NRG1: variants seen among roughly 807,000 people sequenced by gnomAD.
NRG1 encodes neuregulin 1, also known as pro-neuregulin-1, membrane-bound isoform.
NRG1 carries 18 observed loss-of-function variants against 63.8 expected under a neutral mutation model. The ratio of observed to expected loss-of-function variants is 0.28; its 90% CI spans 0.19 to 0.42. The LOEUF (loss-of-function observed/expected upper bound fraction) is 0.42, where lower values mean the gene tolerates loss of function less well. NRG1 is among the 10% of genes least tolerant of loss of function. The probability of loss-of-function intolerance (pLI) is 1.00; values close to 1 mark genes in which losing one functional copy is unlikely to be tolerated. For missense variants in NRG1, 762 were observed against 814.7 expected, an observed-to-expected ratio of 0.94 and a Z score of 0.79; for synonymous variants, 302 against 301.3, an observed-to-expected ratio of 1.00 and a Z score of -0.02.
intron 1 of NRG1, among the ~76,000 whole-genome samples, chr8:32,524,998 A>G (rs1830684961): frequency 6.6e-6 from 1 of 152,230 alleles, no homozygotes; most frequent in Non-Finnish European, 1.5e-5. Flanking sequence ...AAACAAATAT[A>G]ATGCAATCCA....
intron 1 of NRG1, among the ~76,000 whole-genome samples, chr8:31,855,714 T>A (rs1354817976): frequency 6.6e-6 from 1 of 152,228 alleles, no homozygotes; most frequent in Non-Finnish European, 1.5e-5. Context: ...GTATCGATGG[T>A]CTTTACATTT....
At chr8:32,297,746 A>G (rs1013108250) in intron 1 of NRG1, among the ~76,000 whole-genome samples, 7 of 152,206 alleles carry the variant, frequency 4.6e-5, no homozygotes, top group African/African-American at 9.7e-5. Flanking sequence ...TTCATTTGAT[A>G]GCATGGGTAG....
chr8:32,132,783 G>T (rs141275019), intron 1 of NRG1, among the ~76,000 whole-genome samples: 2 of 152,192 alleles, frequency 1.3e-5, no homozygotes, highest in Non-Finnish European at 1.5e-5. Context: ...TTCAAATAGA[G>T]AATTCGCTTC....
intron 5 of NRG1, among the ~76,000 whole-genome samples, chr8:32,663,780 A>G (rs1208891217): frequency 1.3e-5 from 2 of 152,126 alleles, no homozygotes; most frequent in Non-Finnish European, 2.9e-5. Flanking sequence ...TGCAGAAGTG[A>G]TGGTCACATA....
chr8:32,090,942 A>C (rs1040786144), intron 1 of NRG1, among the ~76,000 whole-genome samples: 14 of 152,172 alleles, frequency 9.2e-5, no homozygotes, highest in Admixed American at 4.6e-4. Flanking sequence ...TTCCATTTTC[A>C]TGCTAAAGAT....
intron 1 of NRG1, among the ~76,000 whole-genome samples, chr8:32,054,630 T>G (rs556249578): frequency 3.5e-4 from 53 of 152,274 alleles, no homozygotes; most frequent in African/African-American, 1.1e-3. Context: ...TTATCTGCTG[T>G]TATGGTGTTA....
At chr8:32,335,958 A>G (rs2129477929) in intron 1 of NRG1, among the ~76,000 whole-genome samples, 1 of 151,808 alleles carries the variant, frequency 6.6e-6, no homozygotes, top group African/African-American at 2.4e-5. Flanking sequence ...TACATGCATG[A>G]AAACACACCT....
intron 1 of NRG1, among the ~76,000 whole-genome samples, chr8:32,048,480 T>C (rs1277415837): frequency 7.6e-6 from 1 of 132,382 alleles, no homozygotes; most frequent in Non-Finnish European, 1.6e-5. Context: ...TATATATATA[T>C]ATATAGTGGT....
At chr8:32,746,226 T>TG (rs797001906) in intron 7 of NRG1, among the ~76,000 whole-genome samples, 167 of 152,120 alleles carry the variant, frequency 1.1e-3, no homozygotes, top group African/African-American at 3.6e-3. Context: ...TTGGCATATG[T>TG]GAAAAAAAAC....
At chr8:32,144,240 T>C (rs1316744661) in intron 1 of NRG1, among the ~76,000 whole-genome samples, 3 of 152,122 alleles carry the variant, frequency 2.0e-5, no homozygotes, top group African/African-American at 4.8e-5. Flanking sequence ...TGAATGACAA[T>C]GTAGGAAAAC....
At chr8:31,697,051 G>GT (rs1245037625) in intron 1 of NRG1, among the ~76,000 whole-genome samples, 2 of 152,120 alleles carry the variant, frequency 1.3e-5, no homozygotes, top group African/African-American at 4.8e-5. Flanking sequence ...TGGATTTAGT[G>GT]TACTAAATAA....
At chr8:32,744,661 TTAAG>T (rs1337773807) in intron 7 of NRG1, among the ~76,000 whole-genome samples, 15 of 152,116 alleles carry the variant, frequency 9.9e-5, no homozygotes, top group African/African-American at 3.6e-4. Flanking sequence ...GATCACTTAA[TTAAG>T]TTACACTTAC....
intron 1 of NRG1, among the ~76,000 whole-genome samples, chr8:32,591,578 T>A (rs1268029353): frequency 6.6e-6 from 1 of 152,106 alleles, no homozygotes; most frequent in Non-Finnish European, 1.5e-5. Context: ...GTTGGGGCCC[T>A]GAAGTCACGA....
intron 1 of NRG1, among the ~76,000 whole-genome samples, chr8:31,950,919 A>G (rs1271098660): frequency 6.6e-6 from 1 of 152,262 alleles, no homozygotes; most frequent in Admixed American, 6.5e-5. Flanking sequence ...GGACACTGTG[A>G]AAATCACTTT....
At chr8:32,262,571 G>T (rs1850500731) in intron 1 of NRG1, among the ~76,000 whole-genome samples, 1 of 152,030 alleles carries the variant, frequency 6.6e-6, no homozygotes, top group Non-Finnish European at 1.5e-5. Context: ...AATTCACTCT[G>T]CAAAATGACA....
At chr8:31,861,322 G>A (rs1444264785) in intron 1 of NRG1, among the ~76,000 whole-genome samples, 1 of 152,164 alleles carries the variant, frequency 6.6e-6, no homozygotes, top group Non-Finnish European at 1.5e-5. Context: ...GTGTGACACA[G>A]ATGGGTTTAT....
chr8:32,681,367 G>C (rs1808572881), intron 5 of NRG1, among the ~76,000 whole-genome samples: 1 of 152,078 alleles, frequency 6.6e-6, no homozygotes, highest in African/African-American at 2.4e-5. Flanking sequence ...TAAGTACAAT[G>C]AAGTGTCTCT....
intron 1 of NRG1, among the ~76,000 whole-genome samples, chr8:31,673,623 A>T (rs1452071249): frequency 1.3e-5 from 2 of 152,202 alleles, no homozygotes; most frequent in Non-Finnish European, 2.9e-5. Context: ...GCATGCATTT[A>T]GCAGTGATGA....
At chr8:32,569,970 C>T (rs1237353977) in intron 1 of NRG1, among the ~76,000 whole-genome samples, 18 of 146,600 alleles carry the variant, frequency 1.2e-4, no homozygotes, top group South Asian at 2.1e-4. Flanking sequence ...TGCAGTGGCG[C>T]GATCTTGGCT....
Sources: allele counts gnomAD v4.1 joint callset (sites outside exome capture counted in the v4.1 genomes callset), GRCh38; gene constraint gnomAD v4.1.1; transcripts MANE v1.5; gene names NCBI Gene and HGNC (gene_info 2026-07-23, HGNC 2026-07-21).